Variants in DNAJB11 observed in about 807,000 individuals in gnomAD.
DNAJB11 encodes the protein dnaJ homolog subfamily B member 11.
Under a neutral mutation model 47.2 loss-of-function variants are expected in DNAJB11, and 30 were observed. That is an observed-to-expected ratio of 0.64 (90% CI 0.48 to 0.86). DNAJB11 has a LOEUF of 0.86. Ranked by LOEUF, DNAJB11 falls within the 40% of genes least tolerant of loss-of-function variation. DNAJB11 has a pLI of 0.00. For synonymous variants in DNAJB11, 151 were observed against 159.9 expected (o/e 0.94, Z 0.42); for missense variants, 357 against 440.2 (o/e 0.81, Z 1.69).
chr3:186,575,488 C>G (rs1715258472), intron 2 of DNAJB11, among the ~76,000 whole-genome samples: 1 of 152,090 alleles, frequency 6.6e-6, no homozygotes, highest in Non-Finnish European at 1.5e-5. Context: ...GCACCAAAGT[C>G]AAACTGCATG....
chr3:186,582,764 A>G lies in DNAJB11; in HGVS notation c.731A>G (p.Lys244Arg), dbSNP rs763179579. The change falls in exon 7 of 10, where the codon AAA becomes AGA. Residue 244 changes from lysine to arginine, a missense_variant. By Grantham distance (26) the Lys-to-Arg change is conservative. Coordinates refer to ENST00000265028, the MANE Select transcript of DNAJB11 (RefSeq NM_016306.6). ...CCTGGAGATTTACGGTTCCGAATCAAAGTTGTCAAGTAAGTAATCTAATTT... is the reference window on the plus strand; with the variant it reads ...CCTGGAGATTTACGGTTCCGAATCAGAGTTGTCAAGTAAGTAATCTAATTT... ...GEPGDLRFRI[K>R]VVKHPIFERR... is the part of the protein sequence containing the mutation. The G allele has an allele frequency of 6.3e-6, 10 of 1,580,928 alleles. 1 individual carries two copies. The South Asian group carries it at 9.3e-5, about 15-fold the overall frequency.
rs1307711548 is a variant in DNAJB11 at position 186,583,901 on chromosome 3, C to T, written c.777C>T (p.Tyr259=). Reference sequence around the variant, plus strand: ...TTGAAAGGAGAGGAGATGATTTGTACACAAATGTGACAATCTCATTAGTTG... The same window carrying T: ...TTGAAAGGAGAGGAGATGATTTGTATACAAATGTGACAATCTCATTAGTTG... The part of the protein sequence containing the change: ...PIFERRGDDL[Y]TNVTISLVES... Residue 259 remains tyrosine (Y), a synonymous_variant, in exon 8 of 10, where the codon TAC becomes TAT. Coordinates refer to ENST00000265028, the MANE Select transcript of DNAJB11 (RefSeq NM_016306.6). The T allele has an allele frequency of 5.0e-6, 8 of 1,613,602 alleles. No individual in the cohort carries two copies. The highest frequency in any genetic ancestry group is 6.8e-6 in the Non-Finnish European group (8 of 1,179,576).
chr3:186,579,832 A>G (rs1215614570), intron 4 of DNAJB11: 1 of 152,142 alleles, frequency 6.6e-6, no homozygotes, highest in Non-Finnish European at 1.5e-5. Flanking sequence ...ATTTTCTCAT[A>G]TATTCTGTGC....
rs375794345 is a variant in DNAJB11, at chr3:186,585,344, G to T, written c.1013G>T (p.Gly338Val). The T allele has an allele frequency of 1.9e-6, 3 of 1,610,196 alleles. No individual in the cohort carries two copies. The highest frequency in any genetic ancestry group is 2.5e-6 in the Non-Finnish European group (3 of 1,178,182). ...AGTCATTTGTTCATTCTTTCTTCAG[G>T]TATCAAACAGCTACTGAAACAAGGG... ...KEQLTEEAREGIKQLLKQGSV... is the reference protein window; with the variant it reads ...KEQLTEEAREVIKQLLKQGSV... The change falls in exon 10 of 10, where the codon GGT becomes GTT. Residue 338 changes from glycine (G) to valine (V), a missense_variant and splice_region_variant. Transcript: ENST00000265028.
chr3:186,572,690 C>T (rs563614503), intron 2 of DNAJB11, among the ~76,000 whole-genome samples: 1 of 152,308 alleles, frequency 6.6e-6, no homozygotes, highest in East Asian at 1.9e-4. Flanking sequence ...ATGAACTAGA[C>T]AAATAACATG....
chr3:186,571,022 T>TTTGGGGGGGGGGG, intron 1 of DNAJB11, 57 bp downstream of exon 1: 1 of 208,292 alleles, frequency 4.8e-6, no homozygotes, highest in Non-Finnish European at 9.4e-6. Context: ...TGCTGGGGGG[T>TTTGGGGGGGGGGG]GGGAGGGGGT....
chr3:186,583,325 C>A (rs1217180238), intron 7 of DNAJB11, among the ~76,000 whole-genome samples: 2 of 152,224 alleles, frequency 1.3e-5, no homozygotes, highest in Non-Finnish European at 2.9e-5. Context: ...AAATGGCCCC[C>A]CACTGTCTGG....
chr3:186,580,994 T>G (rs1179968884), intron 4 of DNAJB11: 1 of 158,352 alleles, frequency 6.3e-6, no homozygotes, highest in Non-Finnish European at 1.4e-5. Context: ...TGATTGTTCC[T>G]CAGGGGTTAT....
intron 2 of DNAJB11, among the ~76,000 whole-genome samples, chr3:186,574,160 T>A (rs1455483376): frequency 6.6e-6 from 1 of 152,268 alleles, no homozygotes; most frequent in Non-Finnish European, 1.5e-5. Flanking sequence ...TACTTGAGAA[T>A]CTGTGTATTG....
rs757507181 is a variant in DNAJB11, at chr3:186,572,080, C to T, written c.69-15C>T. 1 of 1,554,802 alleles carries T rather than the reference C, an allele frequency of 6.4e-7. No individual in the cohort carries two copies. Among genetic ancestry groups the T allele is most frequent in the Non-Finnish European group, 8.7e-7 (1 of 1,154,770 alleles). ...GTAACTCTTTAATGAAGTATTCTCT[C>T]CCTCTACTTCCCAGACGAGATTTCT... On this transcript the variant is annotated splice_polypyrimidine_tract_variant and intron_variant, in intron 1 of 9. Coordinates refer to ENST00000265028, the MANE Select transcript of DNAJB11 (RefSeq NM_016306.6).
In DNAJB11 at chr3:186,572,231, G is replaced by T; in HGVS notation, c.205G>T (p.Asp69Tyr). 1 of 1,610,656 alleles carries T rather than the reference G, an allele frequency of 6.2e-7. No homozygotes were observed. The change falls in exon 2 of 10, where the codon GAT (aspartate) becomes TAT (tyrosine). Residue 69 changes from aspartate (D) to tyrosine (Y), a missense_variant. Physicochemically the swap from Asp to Tyr is radical, Grantham distance 160 (BLOSUM62 -3). Transcript: ENST00000265028. ...DDPQAQEKFQ[D>Y]LGAAYEVLSD... Reference sequence around the variant, plus strand: ...TCCACAAGCCCAGGAGAAATTCCAGGATCTGGGTGCTGCTTATGAGGTGAG... The same window carrying T: ...TCCACAAGCCCAGGAGAAATTCCAGTATCTGGGTGCTGCTTATGAGGTGAG...
intron 2 of DNAJB11, among the ~76,000 whole-genome samples, chr3:186,573,378 C>A (rs1376651445): frequency 2.0e-5 from 3 of 151,922 alleles, no homozygotes; most frequent in Non-Finnish European, 2.9e-5. Flanking sequence ...TCCTATGGGG[C>A]AGAAATTCTT....
At chr3:186,576,992 C>T (rs905973511) in intron 3 of DNAJB11, among the ~76,000 whole-genome samples, 2 of 152,162 alleles carry the variant, frequency 1.3e-5, no homozygotes, top group Non-Finnish European at 2.9e-5. Context: ...TAGATTAAAC[C>T]ACCTGTAGGA....
chr3:186,571,037 G>GGGGGGGGGGGGGGGGGGGGGC, intron 1 of DNAJB11, 72 bp downstream of exon 1: 1 of 940,410 alleles, frequency 1.1e-6, no homozygotes, highest in Non-Finnish European at 1.6e-6. Context: ...GGGGGTGGGG[G>GGGGGGGGGGGGGGGGGGGGGC]AAGTGGCATT....
intron 9 of DNAJB11, 51 bp from the exon 10 acceptor site, chr3:186,585,293 G>A: frequency 6.7e-7 from 1 of 1,488,372 alleles, no homozygotes; most frequent in Non-Finnish European, 9.3e-7. Context: ...TTAAACGCTA[G>A]GAAAGTAACA....
chr3:186,575,393 CTG>C (rs57590468), intron 2 of DNAJB11, among the ~76,000 whole-genome samples: 3 of 139,416 alleles, frequency 2.2e-5, no homozygotes, highest in South Asian at 4.9e-4. Context: ...GTGTGTGTGT[CTG>C]TGTGTGTGTG....
At chr3:186,584,042 A>G (rs754897769) in intron 8 of DNAJB11, 66 bp downstream of exon 8, 5 of 1,165,560 alleles carry the variant, frequency 4.3e-6, no homozygotes, top group South Asian at 1.2e-5. Flanking sequence ...TTTGAGATGT[A>G]TCAGCTGTTT....
intron 1 of DNAJB11, 67 bp downstream of exon 1, chr3:186,571,032 T>TGGGGTTGGGGGGGGGGGGGGGGGGGGG: frequency 5.0e-6 from 1 of 202,008 alleles, no homozygotes; most frequent in Non-Finnish European, 1.0e-5. Context: ...TGGGAGGGGG[T>TGGGGTTGGGGGGGGGGGGGGGGGGGGG]GGGGGAAGTG....
chr3:186,571,030 G>GA, intron 1 of DNAJB11, 65 bp downstream of exon 1: 1 of 1,084,708 alleles, frequency 9.2e-7, no homozygotes, highest in Admixed American at 2.8e-5. Context: ...GGTGGGAGGG[G>GA]GTGGGGGAAG....
Sources: allele counts gnomAD v4.1 joint callset (sites outside exome capture counted in the v4.1 genomes callset), GRCh38; gene constraint gnomAD v4.1.1; transcripts MANE v1.5; gene names NCBI Gene and HGNC (gene_info 2026-07-23, HGNC 2026-07-21).